The following DENND4A variants were observed in gnomAD, a reference collection of about 807,000 sequenced individuals.
DENND4A encodes the protein DENN domain containing 4A.
In DENND4A, 70 loss-of-function variants were observed where a neutral mutation model predicts 199.3. The ratio of observed to expected loss-of-function variants is 0.35; its 90% CI spans 0.29 to 0.43. The LOEUF is 0.43. DENND4A is among the 20% of genes least tolerant of loss of function. The pLI is 1.00. For synonymous variants in DENND4A, 686 were observed against 766.9 expected (o/e 0.89, Z 1.74); for missense variants, 1,723 against 2,255.8 (o/e 0.76, Z 4.78).
In DENND4A at chr15:65,702,598, GC is replaced by G. The variant is rs1238786941; in HGVS notation, c.2224-88del. 296 of 1,138,020 alleles carry G rather than the reference GC, an allele frequency of 2.6e-4. 6 individuals carry two copies. In the Admixed American group the frequency reaches 7.4e-3, roughly 28 times the overall value. The allele number at this position is 1,138,020 out of a possible 1,614,324, so 70.5% of individuals were successfully genotyped here. A position where few individuals can be genotyped will look rare whatever the true frequency, so the allele number is the denominator to read the frequency against. The stretch of plus-strand genomic sequence containing the variant: ...AGTGCTAAACAAGTACAAGTCACAT[GC>G]TTTTATAATGTTTCCATAACAAAAT... On this transcript the variant is annotated intron_variant, in intron 16 of 32. Coordinates refer to ENST00000443035, the MANE Select transcript of DENND4A (RefSeq NM_001320835.1).
At position 65,676,532 on chromosome 15, in the gene DENND4A, T is replaced by A; in HGVS notation, c.4282A>T (p.Ile1428Phe). 1.2e-6 allele frequency: 2 copies of A among 1,613,834 alleles called. No individual in the cohort carries two copies. The highest frequency in any genetic ancestry group is 8.5e-7 in the Non-Finnish European group (1 of 1,179,806). The change falls in exon 24 of 33, where the codon ATC (isoleucine) becomes TTC (phenylalanine). Residue 1428 changes from isoleucine to phenylalanine, a missense_variant. By Grantham distance (21) the Ile-to-Phe change is conservative (BLOSUM62 0). Around this residue, in one of 6 missense-constraint regions of DENND4A, gnomAD observed 650 missense variants for 738.1 expected, o/e 0.88. Coordinates refer to ENST00000443035, the MANE Select transcript of DENND4A (RefSeq NM_001320835.1). ...EDVCHELEGP[I>F]SSQETSATSG... is the part of the protein sequence containing the mutation. Reference sequence around the variant, plus strand: ...GTAGCACTGGTCTCTTGAGAGGAGATAGGTCCTTCCAACTCATGGCAGACA... The same window carrying A: ...GTAGCACTGGTCTCTTGAGAGGAGAAAGGTCCTTCCAACTCATGGCAGACA...
In DENND4A at chr15:65,738,772, T is replaced by G. The variant is rs200224548; in HGVS notation, c.735A>C (p.Pro245=). The G allele has an allele frequency of 6.2e-7, 1 of 1,612,970 alleles. No individual in the cohort carries two copies. The highest frequency in any genetic ancestry group is 1.3e-5 in the African/African-American group (1 of 75,034). Residue 245 remains proline (P), a synonymous_variant, in exon 6 of 33, where the codon CCA becomes CCC. Coordinates refer to ENST00000443035, the MANE Select transcript of DENND4A (RefSeq NM_001320835.1). The part of the protein sequence containing the change: ...LPMGATIECW[P]SNSKYPLPVF... Reference sequence around the variant, plus strand: ...CAGGCAGAGGGTATTTGCTATTTGATGGCCAACATTCAATGGTTGCACCCA... The same window carrying G: ...CAGGCAGAGGGTATTTGCTATTTGAGGGCCAACATTCAATGGTTGCACCCA...
intron 4 of DENND4A, among the ~76,000 whole-genome samples, chr15:65,748,039 CAAAAAAAAAAAA>C (rs34813076): frequency 1.8e-5 from 1 of 54,372 alleles, no homozygotes; most frequent in African/African-American, 7.3e-5. Flanking sequence ...TACTCCGTCT[CAAAAAAAAAAAA>C]AAAAAAAAAA....
chr15:65,695,980 G>A (rs563347862), intron 22 of DENND4A, among the ~76,000 whole-genome samples: 8 of 152,094 alleles, frequency 5.3e-5, no homozygotes, highest in African/African-American at 1.9e-4. Context: ...CTATCTGAAG[G>A]ACTATCCTTT....
chr15:65,706,483 CACACACACACACATAT>C (rs2075058426), intron 14 of DENND4A, among the ~76,000 whole-genome samples: 1 of 89,912 alleles, frequency 1.1e-5, no homozygotes, highest in African/African-American at 4.7e-5. Context: ...CACACACACA[CACACACACACACATAT>C]ATATATATAT....
At chr15:65,732,694 T>C (rs551614303) in intron 8 of DENND4A, 58 bp downstream of exon 8, 4 of 1,015,372 alleles carry the variant, frequency 3.9e-6, no homozygotes, top group Non-Finnish European at 6.0e-6. Context: ...TTATGTTACA[T>C]TTTGACAGAG....
intron 1 of DENND4A, among the ~76,000 whole-genome samples, chr15:65,773,470 C>G (rs2077196044): frequency 6.6e-6 from 1 of 152,152 alleles, no homozygotes; most frequent in African/African-American, 2.4e-5. Flanking sequence ...GAAGGACACA[C>G]AGCTTAGGCT....
chr15:65,751,401 A>T (rs950210289), intron 4 of DENND4A, among the ~76,000 whole-genome samples: 1 of 152,212 alleles, frequency 6.6e-6, no homozygotes, highest in Non-Finnish European at 1.5e-5. Context: ...TTTTGGACAT[A>T]TTAAATTTGA....
intron 1 of DENND4A, among the ~76,000 whole-genome samples, chr15:65,784,293 G>A (rs1166520862): frequency 6.6e-6 from 1 of 152,070 alleles, no homozygotes; most frequent in Non-Finnish European, 1.5e-5. Context: ...GTCGTATTCT[G>A]GATAGGATCC....
intron 32 of DENND4A, among the ~76,000 whole-genome samples, 180 bp downstream of exon 32, chr15:65,664,147 CCTT>C (rs1357381471): frequency 2.6e-5 from 4 of 152,186 alleles, no homozygotes; most frequent in African/African-American, 9.6e-5. Context: ...CAAAAAGAAA[CCTT>C]ATACCAGTTA....
At chr15:65,768,222 C>T (rs1253313141) in intron 1 of DENND4A, among the ~76,000 whole-genome samples, 1 of 152,032 alleles carries the variant, frequency 6.6e-6, no homozygotes, top group Non-Finnish European at 1.5e-5. Context: ...AGGCTGGTCT[C>T]GAACTCCTGG....
At chr15:65,728,762 T>G (rs1290482774) in intron 11 of DENND4A, among the ~76,000 whole-genome samples, 2 of 152,154 alleles carry the variant, frequency 1.3e-5, no homozygotes, top group African/African-American at 4.8e-5. Flanking sequence ...GTGCTAGGAT[T>G]ACAGGCATGA....
chr15:65,723,774 T>C (rs966401225), intron 11 of DENND4A, among the ~76,000 whole-genome samples: 3 of 152,160 alleles, frequency 2.0e-5, no homozygotes, highest in African/African-American at 7.2e-5. Flanking sequence ...TAATAAACGT[T>C]ATGTGAACGT....
intron 23 of DENND4A, among the ~76,000 whole-genome samples, chr15:65,679,858 A>C (rs1209540829): frequency 6.6e-6 from 1 of 152,172 alleles, no homozygotes; most frequent in Non-Finnish European, 1.5e-5. Context: ...CAGGGCGACC[A>C]AACAAAGGAA....
At chr15:65,687,669 C>T (rs8028238) in intron 23 of DENND4A, among the ~76,000 whole-genome samples, 30,836 of 152,062 alleles carry the variant, frequency 0.2, 4,123 homozygotes, top group East Asian at 0.73. Context: ...TCTTCCAATG[C>T]GTTAAAGGCA....
chr15:65,714,112 A>T (rs779691018), intron 14 of DENND4A, among the ~76,000 whole-genome samples: 5 of 152,102 alleles, frequency 3.3e-5, no homozygotes, highest in Non-Finnish European at 5.9e-5. Flanking sequence ...TCTCTCAATA[A>T]GAAACTTTAT....
At chr15:65,746,369 C>T (rs76232590) in intron 4 of DENND4A, among the ~76,000 whole-genome samples, 70 of 51,302 alleles carry the variant, frequency 1.4e-3, no homozygotes, top group South Asian at 1.9e-3. Context: ...ACTTTTTTCT[C>T]TTTTTTTTTT....
rs1379907698 is a variant in DENND4A at position 65,669,832 on chromosome 15, G to A, written c.4734C>T (p.Ala1578=). The A allele has an allele frequency of 1.4e-5, 23 of 1,613,594 alleles. No homozygotes were observed. The highest frequency in any genetic ancestry group is 1.8e-5 in the Non-Finnish European group (21 of 1,179,706). Residue 1578 remains alanine (A), a synonymous_variant, in exon 27 of 33, where the codon GCC becomes GCT. Transcript: ENST00000443035. ...AGAGAGCAGATGTGTCAAGACCAGA[G>A]GCTGATGTTGAAATGCAAGACTGCC... ...QTRQSCISTS[A]SGLDTSALSV...
Position 65,754,189 on chromosome 15 carries a change from T to TA in DENND4A, c.312-1562dup, listed in dbSNP as rs959479422. On this transcript the variant is annotated intron_variant, in intron 3 of 32. Coordinates refer to ENST00000443035, the MANE Select transcript of DENND4A (RefSeq NM_001320835.1). Reference sequence around the variant, plus strand: ...CTTTTTCTTCTGGCCATCAACAAATTAAAAAAAAATCTTCTCAATATTTTG... The same window carrying TA: ...CTTTTTCTTCTGGCCATCAACAAATTAAAAAAAAAATCTTCTCAATATTTTG... 8.6e-5 allele frequency among the ~76,000 whole-genome samples: 13 copies of TA among 151,746 alleles called. No homozygotes were observed. In the South Asian group the frequency reaches 1.0e-3, roughly 12 times the overall value.
Sources: allele counts gnomAD v4.1 joint callset (sites outside exome capture counted in the v4.1 genomes callset), GRCh38; gene constraint gnomAD v4.1.1; regional missense constraint gnomAD v4.1.1; transcripts MANE v1.5; gene names NCBI Gene and HGNC (gene_info 2026-07-23, HGNC 2026-07-21).